MOCOS: variants seen among roughly 807,000 people sequenced by gnomAD.
MOCOS encodes molybdenum cofactor sulfurase.
MOCOS carries 86 observed loss-of-function variants against 83.6 expected under a neutral mutation model. That is an observed-to-expected ratio of 1.03 (90% CI 0.86 to 1.23). MOCOS has a LOEUF of 1.23. Ranked by LOEUF, MOCOS falls within the 50% of genes most tolerant of loss-of-function variation. The pLI, the probability that MOCOS is intolerant of heterozygous loss-of-function variation, is 0.00. For missense variants in MOCOS, 1,120 were observed against 1,126.9 expected, an observed-to-expected ratio of 0.99 and a Z score of 0.09; for synonymous variants, 445 against 434.7, an observed-to-expected ratio of 1.02 and a Z score of -0.29.
intron 6 of MOCOS, among the ~76,000 whole-genome samples, chr18:36,212,694 T>A (rs1757744427): frequency 6.6e-6 from 1 of 152,246 alleles, no homozygotes; most frequent in Non-Finnish European, 1.5e-5. Flanking sequence ...CCAAGATCCC[T>A]GGCTGACCAC....
At chr18:36,205,736 C>T (rs114426959) in intron 6 of MOCOS, among the ~76,000 whole-genome samples, 2,175 of 152,064 alleles carry the variant, frequency 0.014, 52 homozygotes, top group African/African-American at 0.05. Context: ...ACATCTGCAT[C>T]CCCATTTTTA....
intron 1 of MOCOS, among the ~76,000 whole-genome samples, chr18:36,189,373 A>G (rs1207405783): frequency 6.6e-6 from 1 of 152,164 alleles, no homozygotes; most frequent in African/African-American, 2.4e-5. Flanking sequence ...ACATTTGTGC[A>G]CTAATCTGAC....
chr18:36,246,355 C>T (rs938900369), intron 9 of MOCOS, among the ~76,000 whole-genome samples: 13 of 152,312 alleles, frequency 8.5e-5, no homozygotes, highest in South Asian at 2.1e-4. Flanking sequence ...TCTAAGGATA[C>T]GGCTTCTAAA....
intron 2 of MOCOS, 125 bp downstream of exon 2, chr18:36,195,471 A>G (rs2091383752): frequency 1.1e-6 from 1 of 892,016 alleles, no homozygotes; most frequent in South Asian, 1.4e-5. Flanking sequence ...AGCCCCATGT[A>G]AGATAGGGGC....
chr18:36,252,144 A>C (rs1036242719), intron 11 of MOCOS, among the ~76,000 whole-genome samples: 1 of 152,146 alleles, frequency 6.6e-6, no homozygotes, highest in Non-Finnish European at 1.5e-5. Context: ...ACATGGCTAG[A>C]TGAATGAATG....
At position 36,220,136 on chromosome 18, in the gene MOCOS, A is replaced by C; in HGVS notation, c.1879A>C (p.Ser627Arg). Residue 627 changes from serine to arginine, a missense_variant, in exon 9 of 15, where the codon AGT (serine) becomes CGT (arginine). By Grantham distance (110) the Ser-to-Arg change is moderately radical. Coordinates refer to ENST00000261326, the MANE Select transcript of MOCOS (RefSeq NM_017947.4). The part of the protein sequence containing the change: ...MVVNHNGVCL[S>R]QKQEPRLCLI... The stretch of plus-strand genomic sequence containing the variant: ...TGTGAATCACAATGGTGTTTGCCTG[A>C]GTCAGAAGCAGGAACCCCGGCTCTG... 1 of 1,614,128 alleles carries C rather than the reference A, an allele frequency of 6.2e-7. No homozygotes were observed. The highest frequency in any genetic ancestry group is 8.5e-7 in the Non-Finnish European group (1 of 1,180,026).
chr18:36,247,868 A>C (rs1046058178), intron 9 of MOCOS, among the ~76,000 whole-genome samples: 6 of 152,148 alleles, frequency 3.9e-5, no homozygotes, highest in African/African-American at 1.2e-4. Context: ...GAGTCTCTAC[A>C]TGCTGTTCTG....
chr18:36,227,232 C>T (rs1396722206), intron 9 of MOCOS, among the ~76,000 whole-genome samples: 1 of 151,332 alleles, frequency 6.6e-6, no homozygotes, highest in Non-Finnish European at 1.5e-5. Flanking sequence ...TCTTTTAACA[C>T]ATATGTATAT....
chr18:36,255,116 C>T (rs1341810243), intron 11 of MOCOS, among the ~76,000 whole-genome samples: 3 of 152,036 alleles, frequency 2.0e-5, no homozygotes, highest in South Asian at 2.1e-4. Flanking sequence ...AAAAAATTAG[C>T]GAAAATGAGC....
intron 6 of MOCOS, among the ~76,000 whole-genome samples, chr18:36,209,648 G>A (rs2091447195): frequency 6.6e-6 from 1 of 152,066 alleles, no homozygotes; most frequent in Non-Finnish European, 1.5e-5. Flanking sequence ...CTCCATTCAA[G>A]TTGCTGCAAA....
chr18:36,220,111 T>A lies in MOCOS; in HGVS notation c.1854T>A (p.Val618=). The part of the protein sequence containing the change: ...QGLLYDRSWM[V]VNHNGVCLSQ... ...TGCTATATGACCGGAGCTGGATGGT[T>A]GTGAATCACAATGGTGTTTGCCTGA... is the stretch of plus-strand genomic sequence containing the variant. The change falls in exon 9 of 15, where the codon GTT becomes GTA. Residue 618 remains valine, a synonymous_variant. Transcript: ENST00000261326. The A allele has an allele frequency of 6.2e-7, 1 of 1,614,012 alleles. No individual in the cohort carries two copies. The highest frequency in any genetic ancestry group is 1.7e-4 in the Middle Eastern group (1 of 5,946).
Position 36,215,915 on chromosome 18 carries a change from C to T in MOCOS, c.1735C>T (p.Leu579Phe), listed in dbSNP as rs1022561295. The change falls in exon 8 of 15, where the codon CTT becomes TTT. Residue 579 changes from leucine (L) to phenylalanine (F), a missense_variant. Leu to Phe is a conservative substitution (Grantham distance 22). Transcript: ENST00000261326. ...EKAAGVLEGA[L>F]GPHVVTNLYL... The stretch of plus-strand genomic sequence containing the variant: ...AGCTGCAGGAGTCCTGGAGGGGGCC[C>T]TTGGGCCACATGTTGTCACTAACCT... 3.1e-6 allele frequency: 5 copies of T among 1,613,744 alleles called. No homozygotes were observed. Among genetic ancestry groups the T allele is most frequent in the Non-Finnish European group, 4.2e-6 (5 of 1,179,718 alleles).
In MOCOS at chr18:36,220,183, CTT is replaced by C. The variant is rs780851088; in HGVS notation, c.1927_1928del (p.Leu643AlafsTer20). On this transcript the variant is annotated frameshift_variant, in exon 9 of 15. Coordinates refer to ENST00000261326, the MANE Select transcript of MOCOS (RefSeq NM_017947.4). LOFTEE classifies it high-confidence loss of function. ...TCTGCCTGATCCAGCCCTTCATCGA[CTT>C]GCGGCAAAGGATCATGGTCATCAAA... ...RLCLIQPFIDLRQRIMVIKAK... is the reference protein window; with the variant it reads ...RLCLIQPFIDXRQRIMVIKAK... The C allele has an allele frequency of 3.7e-6, 6 of 1,614,058 alleles. No homozygotes were observed. The East Asian group carries it at 1.3e-4, about 36-fold the overall frequency.
intron 9 of MOCOS, among the ~76,000 whole-genome samples, chr18:36,233,615 T>A (rs2091546865): frequency 1.3e-5 from 2 of 152,324 alleles, no homozygotes; most frequent in South Asian, 4.1e-4. Context: ...AACTCCATAT[T>A]GTTTTCCATA....
chr18:36,250,528 C>T (rs1251055878), intron 10 of MOCOS, among the ~76,000 whole-genome samples: 1 of 152,120 alleles, frequency 6.6e-6, no homozygotes, highest in African/African-American at 2.4e-5. Flanking sequence ...GGGCCCTGGT[C>T]CCAGGATGCC....
intron 1 of MOCOS, among the ~76,000 whole-genome samples, chr18:36,188,901 C>T (rs570127488): frequency 1.3e-3 from 151 of 116,468 alleles, no homozygotes; most frequent in African/African-American, 4.7e-3. Context: ...GACAGCTCCT[C>T]ACCCTTCTTT....
At position 36,213,411 on chromosome 18, in the gene MOCOS, T is replaced by C; in HGVS notation, c.1264T>C (p.Cys422Arg). The C allele has an allele frequency of 6.2e-7, 1 of 1,614,156 alleles. No individual in the cohort carries two copies. The highest frequency in any genetic ancestry group is 8.5e-7 in the Non-Finnish European group (1 of 1,180,018). ...SLYNIHLRTGCFCNTGACQRH... is the reference protein window; with the variant it reads ...SLYNIHLRTGRFCNTGACQRH... ...TTACAACATCCACCTGCGAACTGGC[T>C]GCTTCTGTAACACTGGGGCCTGCCA... Residue 422 changes from cysteine (C) to arginine (R), a missense_variant, in exon 7 of 15, where the codon TGC (cysteine) becomes CGC (arginine). Coordinates refer to ENST00000261326, the MANE Select transcript of MOCOS (RefSeq NM_017947.4).
At chr18:36,252,190 A>C (rs1400923132) in intron 11 of MOCOS, among the ~76,000 whole-genome samples, 1 of 152,122 alleles carries the variant, frequency 6.6e-6, no homozygotes, top group African/African-American at 2.4e-5. Flanking sequence ...TACCTGGCCT[A>C]GTGATCAGTT....
chr18:36,196,198 C>G (rs1007205474), intron 2 of MOCOS, among the ~76,000 whole-genome samples: 1 of 152,228 alleles, frequency 6.6e-6, no homozygotes, highest in African/African-American at 2.4e-5. Context: ...TGCAGCACAA[C>G]ATGATCTCAC....
Sources: gnomAD v4.1 joint callset for allele counts (sites outside exome capture counted in the v4.1 genomes callset) on GRCh38, gnomAD v4.1.1 for gene constraint, MANE v1.5 for transcripts, NCBI Gene and HGNC (gene_info 2026-07-23, HGNC 2026-07-21) for gene names.